The following FAM124A variants were observed in gnomAD, a reference collection of about 807,000 sequenced individuals.
FAM124A encodes the protein family with sequence similarity 124 member A.
In FAM124A, 23 loss-of-function variants were observed where a neutral mutation model predicts 24.5. That is an observed-to-expected ratio of 0.94 (90% CI 0.68 to 1.33). The LOEUF (loss-of-function observed/expected upper bound fraction) is 1.33. FAM124A is among the 40% of genes most tolerant of loss of function. The pLI, the probability that FAM124A is intolerant of heterozygous loss-of-function variation, is 0.00. For synonymous variants in FAM124A, 287 were observed against 314.7 expected (o/e 0.91, Z 0.93); for missense variants, 623 against 722.8 (o/e 0.86, Z 1.58).
Position 51,258,238 on chromosome 13 carries a change from C to T in FAM124A, c.834+6037C>T, listed in dbSNP as rs1044267095. Among the ~76,000 whole-genome samples the T allele has an allele frequency of 6.6e-6, 1 of 152,196 alleles. No individual in the cohort carries two copies. The highest frequency in any genetic ancestry group is 1.5e-5 in the Non-Finnish European group (1 of 68,026). ...CCAGCATGACCTCATCCTAATTAAG[C>T]TCATTCCATCTCCAACAACTCATTA... On this transcript the variant is annotated intron_variant, in intron 3 of 3. Transcript: ENST00000322475. The surrounding 1 kb of genome is among the most constrained non-coding windows in gnomAD (Gnocchi z 4.2).
At chr13:51,228,194 G>GTATATATGTAGTATATA (rs1313055855) in intron 1 of FAM124A, among the ~76,000 whole-genome samples, 1 of 151,884 alleles carries the variant, frequency 6.6e-6, no homozygotes, top group Non-Finnish European at 1.5e-5. Flanking sequence ...AATTTATTCT[G>GTATATATGTAGTATATA]TATATATGTA....
intron 2 of FAM124A, chr13:51,245,354 ACTG>A: frequency 2.9e-6 from 2 of 699,354 alleles, no homozygotes; most frequent in Non-Finnish European, 5.3e-6. Context: ...CTGTTCCTTT[ACTG>A]TACACACGGT....
At chr13:51,254,398 T>G (rs1202187716) in intron 3 of FAM124A, among the ~76,000 whole-genome samples, 1 of 151,990 alleles carries the variant, frequency 6.6e-6, no homozygotes, top group African/African-American at 2.4e-5. Flanking sequence ...AGTTGAAACT[T>G]TTTTTTTCTG....
intron 2 of FAM124A, among the ~76,000 whole-genome samples, chr13:51,236,294 C>T (rs554574666): frequency 1.3e-5 from 2 of 152,342 alleles, no homozygotes; most frequent in South Asian, 2.1e-4. Context: ...AGTTCTGCTT[C>T]GCTTCTCTGT....
At chr13:51,278,218 C>G (rs1020996268) in intron 3 of FAM124A, among the ~76,000 whole-genome samples, 1 of 152,110 alleles carries the variant, frequency 6.6e-6, no homozygotes, top group Non-Finnish European at 1.5e-5. Flanking sequence ...GGCTTCCATG[C>G]GAGGAGGATT....
intron 3 of FAM124A, among the ~76,000 whole-genome samples, chr13:51,265,681 C>T (rs571877630): frequency 5.9e-5 from 9 of 152,184 alleles, no homozygotes; most frequent in South Asian, 4.2e-4. Context: ...TTATCACCGC[C>T]GCCACCACCA....
chr13:51,235,391 A>T (rs183044759), intron 2 of FAM124A, among the ~76,000 whole-genome samples: 2 of 152,160 alleles, frequency 1.3e-5, no homozygotes, highest in East Asian at 1.9e-4. Flanking sequence ...TATGCCAGGA[A>T]AAAAAGCAAC....
intron 1 of FAM124A, among the ~76,000 whole-genome samples, chr13:51,224,375 G>A (rs538377925): frequency 6.6e-6 from 1 of 152,140 alleles, no homozygotes; most frequent in Non-Finnish European, 1.5e-5. Context: ...GGAGGCTGAG[G>A]CAGGAGAATC....
intron 1 of FAM124A, 33 bp downstream of exon 1, chr13:51,222,602 G>T (rs1299035032): frequency 7.4e-6 from 9 of 1,218,390 alleles, no homozygotes; most frequent in African/African-American, 6.3e-5. Flanking sequence ...GCGGGCGGGG[G>T]GCGCTCTCCG....
chr13:51,257,072 C>T (rs1028645540), intron 3 of FAM124A, among the ~76,000 whole-genome samples: 1 of 152,238 alleles, frequency 6.6e-6, no homozygotes, highest in Non-Finnish European at 1.5e-5. Flanking sequence ...ATAGATTTTT[C>T]ATGTCCATTC....
rs780570797 is a variant in FAM124A at position 51,225,976 on chromosome 13, CTTTTTTTTTTTTTT to C, written c.68+3429_68+3442del. ...ATCTGTAATGTTGCTTGCTTGCTTT[CTTTTTTTTTTTTTT>C]TTTTTTTTTTTTTTTTTTTTTAACA... On this transcript the variant is annotated intron_variant, in intron 1 of 3. Transcript: ENST00000322475. Among the ~76,000 whole-genome samples the C allele has an allele frequency of 4.7e-3, 320 of 67,580 alleles. 1 individual carries two copies. The highest frequency in any genetic ancestry group is 6.2e-3 in the Non-Finnish European group (258 of 41,496). The allele number at this position is 67,580 out of a possible 152,430, so 44.3% of individuals were successfully genotyped here. A position where few individuals can be genotyped will look rare whatever the true frequency, so the allele number is the denominator to read the frequency against.
chr13:51,251,639 G>C lies in FAM124A; in HGVS notation c.272G>C (p.Arg91Pro). The C allele has an allele frequency of 6.4e-7, 1 of 1,567,616 alleles. No homozygotes were observed. Among genetic ancestry groups the C allele is most frequent in the Non-Finnish European group, 8.7e-7 (1 of 1,154,492 alleles). Residue 91 changes from arginine to proline, a missense_variant, in exon 3 of 4, where the codon CGG becomes CCG. Physicochemically the swap from Arg to Pro is moderately radical, Grantham distance 103. Coordinates refer to ENST00000322475, the MANE Select transcript of FAM124A (RefSeq NM_001242312.2). The surrounding 1 kb of genome is among the most constrained non-coding windows in gnomAD (Gnocchi z 5.3). ...VSERRASRRR[R>P]KPPKGAQPAL... ...GAGAGGCGGGCGTCCCGGCGGCGGCGGAAGCCCCCCAAGGGCGCTCAGCCA... is the reference window on the plus strand; with the variant it reads ...GAGAGGCGGGCGTCCCGGCGGCGGCCGAAGCCCCCCAAGGGCGCTCAGCCA...
At chr13:51,259,631 G>A (rs1488794663) in intron 3 of FAM124A, among the ~76,000 whole-genome samples, 3 of 152,138 alleles carry the variant, frequency 2.0e-5, no homozygotes, top group Non-Finnish European at 4.4e-5. Flanking sequence ...GCAGTGAAAC[G>A]CAGTTGTCCC....
chr13:51,237,792 A>T (rs991245962), intron 2 of FAM124A, among the ~76,000 whole-genome samples: 6 of 152,068 alleles, frequency 3.9e-5, no homozygotes, highest in Non-Finnish European at 8.8e-5. Flanking sequence ...GGCATCTTGT[A>T]TACCTATAGC....
intron 3 of FAM124A, among the ~76,000 whole-genome samples, chr13:51,257,271 C>T (rs373143923): frequency 6.6e-6 from 1 of 152,216 alleles, no homozygotes; most frequent in Non-Finnish European, 1.5e-5. Flanking sequence ...CACTGTTCTC[C>T]ATAGCAGCTG....
Position 51,280,575 on chromosome 13 carries a change from G to C in FAM124A, c.960G>C (p.Gln320His). 1 of 1,614,096 alleles carries C rather than the reference G, an allele frequency of 6.2e-7. No homozygotes were observed. The highest frequency in any genetic ancestry group is 8.5e-7 in the Non-Finnish European group (1 of 1,180,028). ...GCCATACACCTGGCAGCAGCCAGCAGTCCCCGCTCAACAGTCCTCACCCGG... is the reference window on the plus strand; with the variant it reads ...GCCATACACCTGGCAGCAGCCAGCACTCCCCGCTCAACAGTCCTCACCCGG... ...VPSHTPGSSQ[Q>H]SPLNSPHPGP... The change falls in exon 4 of 4, where the codon CAG (glutamine) becomes CAC (histidine). Residue 320 changes from glutamine to histidine, a missense_variant. Transcript: ENST00000322475.
intron 2 of FAM124A, among the ~76,000 whole-genome samples, chr13:51,244,375 A>G (rs952443728): frequency 6.6e-6 from 1 of 152,254 alleles, no homozygotes; most frequent in African/African-American, 2.4e-5. Context: ...TCACCACTGT[A>G]TCCTCTAGTG....
intron 1 of FAM124A, among the ~76,000 whole-genome samples, chr13:51,229,130 G>A (rs1293035673): frequency 6.6e-6 from 1 of 152,234 alleles, no homozygotes; most frequent in Non-Finnish European, 1.5e-5. Flanking sequence ...GAGGCTGTAG[G>A]TGACTTTCTG....
At chr13:51,274,445 T>C (rs938961811) in intron 3 of FAM124A, among the ~76,000 whole-genome samples, 3 of 152,216 alleles carry the variant, frequency 2.0e-5, no homozygotes, top group Admixed American at 6.5e-5. Context: ...GCATTTTGGA[T>C]TTCAGATTTG....
Sources: gnomAD v4.1 joint callset for allele counts (sites outside exome capture counted in the v4.1 genomes callset) on GRCh38, gnomAD v4.1.1 for gene constraint, Gnocchi (gnomAD v3.1) non-coding constraint, MANE v1.5 for transcripts, NCBI Gene and HGNC (gene_info 2026-07-23, HGNC 2026-07-21) for gene names.